TENT4B: variants seen among roughly 807,000 people sequenced by gnomAD.
The protein encoded by TENT4B is terminal nucleotidyltransferase 4B, also known as PAP associated domain containing 5.
TENT4B carries 10 observed loss-of-function variants against 75.0 expected under a neutral mutation model. That is an observed-to-expected ratio of 0.13 (90% confidence interval 0.08 to 0.23). The LOEUF is 0.23. Ranked by LOEUF, TENT4B falls within the 10% of genes least tolerant of loss-of-function variation. TENT4B has a pLI of 1.00. For synonymous variants in TENT4B, 350 were observed against 357.7 expected, an observed-to-expected ratio of 0.98 and a Z score of 0.24; for missense variants, 579 against 893.8, an observed-to-expected ratio of 0.65 and a Z score of 4.49.
Position 50,153,590 on chromosome 16 carries a change from G to GGAGGGGCGGGGGCAGCGGCCGC in TENT4B, c.-31_-10dup. 1 of 978,178 alleles carries GGAGGGGCGGGGGCAGCGGCCGC rather than the reference G, an allele frequency of 1.0e-6. No homozygotes were observed. Among genetic ancestry groups the GGAGGGGCGGGGGCAGCGGCCGC allele is most frequent in the African/African-American group, 1.8e-5 (1 of 56,248 alleles). The allele number at this position is 978,178 out of a possible 1,614,324, so 60.6% of individuals were successfully genotyped here. ...GCGGCGGCGGCCCTGCGGGCGGCCGGGAGGGGCGGGGGCAGCGGCCGCCGC... is the reference window on the plus strand; with the variant it reads ...GCGGCGGCGGCCCTGCGGGCGGCCGGGAGGGGCGGGGGCAGCGGCCGCGAGGGGCGGGGGCAGCGGCCGCCGC... On this transcript the variant is annotated 5_prime_UTR_variant, in exon 1 of 12. Transcript: ENST00000561678.
chr16:50,191,074 A>G (rs1225498189), intron 1 of TENT4B, among the ~76,000 whole-genome samples: 2 of 150,880 alleles, frequency 1.3e-5, no homozygotes, highest in African/African-American at 5.0e-5. Context: ...ATAATATTCC[A>G]TTGTATGTAT....
intron 1 of TENT4B, among the ~76,000 whole-genome samples, chr16:50,194,172 TTC>T (rs2030046434): frequency 1.3e-5 from 2 of 152,074 alleles, no homozygotes; most frequent in South Asian, 4.1e-4. Context: ...AGATAGTATC[TTC>T]TCTCTCTTTT....
At chr16:50,228,133 GA>G (rs2032140231) in intron 11 of TENT4B, 130 bp downstream of exon 11, 2 of 1,193,440 alleles carry the variant, frequency 1.7e-6, no homozygotes, top group Non-Finnish European at 2.3e-6. Flanking sequence ...TTTATTCTAA[GA>G]GGTTCCAACA....
chr16:50,165,116 A>G (rs888167968), intron 1 of TENT4B, among the ~76,000 whole-genome samples: 1 of 151,858 alleles, frequency 6.6e-6, no homozygotes, highest in Non-Finnish European at 1.5e-5. Context: ...ATATTTCTAT[A>G]CCATTTTTAA....
At chr16:50,214,358 T>C in intron 3 of TENT4B, 91 bp downstream of exon 3, 1 of 1,046,736 alleles carries the variant, frequency 9.6e-7, no homozygotes, top group South Asian at 1.5e-5. Context: ...CAAAACAAAT[T>C]TATAAAACAA....
intron 1 of TENT4B, among the ~76,000 whole-genome samples, chr16:50,171,833 T>G (rs1210670174): frequency 6.6e-6 from 1 of 151,874 alleles, no homozygotes; most frequent in African/African-American, 2.4e-5. Flanking sequence ...GGTGTGGTGG[T>G]GTGCACTTGT....
rs1404505108 is a variant in TENT4B at position 50,230,926 on chromosome 16, T to C, written c.*1598T>C. On this transcript the variant is annotated 3_prime_UTR_variant, in exon 12 of 12. Coordinates refer to ENST00000561678, the MANE Select transcript of TENT4B (RefSeq NM_001365324.3). ...GAGACGAGATTCTTTTATATATATA[T>C]ACATATAAAGTACTATTGGCTTTTA... The C allele has an allele frequency of 2.0e-6, 2 of 980,102 alleles. No homozygotes were observed. Among genetic ancestry groups the C allele is most frequent in the East Asian group, 1.1e-4 (1 of 8,802 alleles). The allele number at this position is 980,102 out of a possible 1,614,324, so 60.7% of individuals were successfully genotyped here.
Position 50,234,263 on chromosome 16 carries a change from C to T in TENT4B, c.*4935C>T, listed in dbSNP as rs2032382614. ...GAGGCTGGGAGTTTGAGACCTTCAT[C>T]TCTTAAAAAAACAAACAAAAACCTG... On this transcript the variant is annotated 3_prime_UTR_variant, in exon 12 of 12. Transcript: ENST00000561678. 2 of 985,406 alleles carry T rather than the reference C, an allele frequency of 2.0e-6. No homozygotes were observed. The highest frequency in any genetic ancestry group is 1.1e-4 in the East Asian group (1 of 8,804). The allele number at this position is 985,406 out of a possible 1,614,324, so 61.0% of individuals were successfully genotyped here.
At chr16:50,205,038 T>C (rs1476143809) in intron 1 of TENT4B, among the ~76,000 whole-genome samples, 1 of 152,184 alleles carries the variant, frequency 6.6e-6, no homozygotes, top group Non-Finnish European at 1.5e-5. Flanking sequence ...GTAATTTAAG[T>C]GTTTCTGCTT....
At chr16:50,200,804 T>A (rs528226484) in intron 1 of TENT4B, among the ~76,000 whole-genome samples, 9 of 152,182 alleles carry the variant, frequency 5.9e-5, no homozygotes, top group Middle Eastern at 3.4e-3. Context: ...TTTATTTTTT[T>A]TTTTTATTGA....
intron 1 of TENT4B, among the ~76,000 whole-genome samples, chr16:50,183,089 G>A (rs1203088927): frequency 6.7e-6 from 1 of 150,190 alleles, no homozygotes; most frequent in East Asian, 1.9e-4. Context: ...TGTCACCCAG[G>A]CTGGAGTGCA....
At chr16:50,224,534 C>A in intron 7 of TENT4B, 123 bp from the exon 8 acceptor site, 1 of 1,234,112 alleles carries the variant, frequency 8.1e-7, no homozygotes, top group Non-Finnish European at 1.1e-6. Context: ...GCTCACAGCT[C>A]AGCTTCCAGG....
intron 1 of TENT4B, among the ~76,000 whole-genome samples, chr16:50,173,223 C>T (rs1038602694): frequency 2.6e-5 from 4 of 152,150 alleles, no homozygotes; most frequent in Admixed American, 1.3e-4. Context: ...GGATTACAGG[C>T]GTGAGCCACC....
chr16:50,152,931 T>C (rs1392115892), upstream of TENT4B: 18 of 1,493,524 alleles, frequency 1.2e-5, no homozygotes, highest in Admixed American at 2.1e-5. Flanking sequence ...ACGCGCTCCC[T>C]GCGGGGCGGG....
intron 11 of TENT4B, among the ~76,000 whole-genome samples, chr16:50,228,622 T>G (rs2032159849): frequency 6.6e-6 from 1 of 152,228 alleles, no homozygotes; most frequent in Non-Finnish European, 1.5e-5. Context: ...GGCTGTAACC[T>G]TGTGTCTGAT....
In TENT4B at chr16:50,214,285, T is replaced by A. The variant is rs577896862; in HGVS notation, c.809+18T>A. 6.4e-7 allele frequency: 1 copy of A among 1,560,872 alleles called. No homozygotes were observed. The highest frequency in any genetic ancestry group is 1.4e-5 in the African/African-American group (1 of 73,572). On this transcript the variant is annotated intron_variant, in intron 3 of 11. Transcript: ENST00000561678. ...CCTACTAGGTTAGTACACTCATGAA[T>A]CTTTCAAAGGACTTTTCTTAGAGTG...
chr16:50,231,908 C>A lies in TENT4B; in HGVS notation c.*2580C>A, dbSNP rs978636310. On this transcript the variant is annotated 3_prime_UTR_variant, in exon 12 of 12. Coordinates refer to ENST00000561678, the MANE Select transcript of TENT4B (RefSeq NM_001365324.3). The stretch of plus-strand genomic sequence containing the variant: ...TTTCTTTTTTGAGTTTTAATACTTC[C>A]TATATTTTGTGAATATATCAGAAAT... 44 of 977,178 alleles carry A rather than the reference C, an allele frequency of 4.5e-5. No individual in the cohort carries two copies. The highest frequency in any genetic ancestry group is 3.1e-4 in the Admixed American group (5 of 16,260). 60.5% of individuals were successfully genotyped at this position (977,178 alleles called of 1,614,324 possible).
intron 1 of TENT4B, among the ~76,000 whole-genome samples, chr16:50,200,404 G>A (rs952418726): frequency 1.3e-5 from 2 of 151,136 alleles, no homozygotes; most frequent in Non-Finnish European, 3.0e-5. Flanking sequence ...TGAGTCAGAG[G>A]GTAAGGAAGC....
chr16:50,212,580 G>A (rs1019125593), intron 2 of TENT4B, among the ~76,000 whole-genome samples: 1 of 152,142 alleles, frequency 6.6e-6, no homozygotes, highest in Admixed American at 6.5e-5. Context: ...AAACTTGCAA[G>A]TATATGACAG....
Sources: allele counts gnomAD v4.1 joint callset (sites outside exome capture counted in the v4.1 genomes callset), GRCh38; gene constraint gnomAD v4.1.1; transcripts MANE v1.5; gene names NCBI Gene and HGNC (gene_info 2026-07-23, HGNC 2026-07-21).